FRYL: variants seen among roughly 807,000 people sequenced by gnomAD.
FRYL encodes the protein FRY like transcription coactivator, also known as protein furry homolog-like.
FRYL carries 150 observed loss-of-function variants against 351.2 expected under a neutral mutation model. The observed-to-expected ratio is 0.43, with a 90% CI of 0.37 to 0.49. The LOEUF is 0.49. Among genes scored for constraint, FRYL ranks in the 20% least tolerant of loss-of-function variants. The pLI, the probability that FRYL is intolerant of heterozygous loss-of-function variation, is 0.00. For synonymous variants in FRYL, 1,153 were observed against 1,257.1 expected (o/e 0.92, Z 1.75); for missense variants, 3,036 against 3,619.3 (o/e 0.84, Z 4.13).
intron 41 of FRYL, among the ~76,000 whole-genome samples, chr4:48,547,319 T>C (rs1731574271): frequency 6.6e-6 from 1 of 152,222 alleles, no homozygotes; most frequent in Non-Finnish European, 1.5e-5. Flanking sequence ...CCTCAATAAA[T>C]TAAGCAGTTT....
At chr4:48,507,262 C>A (rs1186682396) in intron 59 of FRYL, among the ~76,000 whole-genome samples, 1 of 152,152 alleles carries the variant, frequency 6.6e-6, no homozygotes, top group Non-Finnish European at 1.5e-5. Context: ...TGGCTGCACA[C>A]TGGCCTGAGA....
At chr4:48,707,170 T>C (rs1434201747) in intron 2 of FRYL, among the ~76,000 whole-genome samples, 2 of 152,222 alleles carry the variant, frequency 1.3e-5, no homozygotes, top group Non-Finnish European at 2.9e-5. Flanking sequence ...CAAAACAATA[T>C]TGCAAATTCT....
chr4:48,515,047 C>G lies in FRYL; in HGVS notation c.7918G>C (p.Asp2640His). The G allele has an allele frequency of 6.2e-7, 1 of 1,613,756 alleles. No individual in the cohort carries two copies. The highest frequency in any genetic ancestry group is 8.5e-7 in the Non-Finnish European group (1 of 1,179,822). ...TCTCACCTAGACAGTCCGGAGAAAT[C>G]CGCTTCTTCTTCTTCACATCTTTCA... is the stretch of plus-strand genomic sequence containing the variant. ...LDERCEEEEA[D>H]FSGLSSQDEE... The change falls in exon 56 of 64, where the codon GAT (aspartate) becomes CAT (histidine). Residue 2640 changes from aspartate to histidine, a missense_variant. This residue lies in a region of FRYL where 1,987 missense variants were observed against 2,311.7 expected (regional missense o/e 0.86). Transcript: ENST00000358350.
At chr4:48,532,768 T>C (rs1343720269) in intron 49 of FRYL, among the ~76,000 whole-genome samples, 7 of 152,234 alleles carry the variant, frequency 4.6e-5, no homozygotes, top group Non-Finnish European at 8.8e-5. Context: ...CATCATGAAA[T>C]GCTAAACTTT....
intron 29 of FRYL, 43 bp from the exon 30 acceptor site, chr4:48,565,086 G>C (rs1477932374): frequency 5.2e-6 from 6 of 1,155,768 alleles, no homozygotes; most frequent in Non-Finnish European, 7.4e-6. Flanking sequence ...AAATTTAAGA[G>C]GTTAAATGTT....
At chr4:48,527,442 C>A in intron 53 of FRYL, 35 bp downstream of exon 53, 1 of 1,540,424 alleles carries the variant, frequency 6.5e-7, no homozygotes, top group South Asian at 1.2e-5. Flanking sequence ...TACAACTGTT[C>A]TATAAATATT....
intron 33 of FRYL, among the ~76,000 whole-genome samples, chr4:48,559,315 GGGGTC>G (rs1734851790): frequency 6.6e-6 from 1 of 151,626 alleles, no homozygotes; most frequent in Non-Finnish European, 1.5e-5. Flanking sequence ...TGTGGGTATA[GGGGTC>G]ACGGTGTGGT....
chr4:48,524,147 C>T (rs1725479500), intron 53 of FRYL, among the ~76,000 whole-genome samples: 1 of 151,442 alleles, frequency 6.6e-6, no homozygotes, highest in Non-Finnish European at 1.5e-5. Flanking sequence ...TATCCCTTTA[C>T]ACAGGAATTG....
chr4:48,623,020 A>G, intron 5 of FRYL, 106 bp downstream of exon 5: 1 of 685,988 alleles, frequency 1.5e-6, no homozygotes, highest in Non-Finnish European at 2.5e-6. Flanking sequence ...GCATACAAGG[A>G]TATATAGAAA....
intron 22 of FRYL, 21 bp downstream of exon 22, chr4:48,580,844 G>C: frequency 6.6e-7 from 1 of 1,511,734 alleles, no homozygotes; most frequent in Non-Finnish European, 9.2e-7. Flanking sequence ...AGATTGGGTA[G>C]AATGAAGTCA....
intron 3 of FRYL, among the ~76,000 whole-genome samples, chr4:48,671,079 G>T (rs931328389): frequency 1.3e-5 from 2 of 152,072 alleles, no homozygotes; most frequent in African/African-American, 4.8e-5. Flanking sequence ...GTGTACAAGG[G>T]TTCGCTTTTC....
chr4:48,541,091 T>C, intron 45 of FRYL, 131 bp from the exon 46 acceptor site: 1 of 840,104 alleles, frequency 1.2e-6, no homozygotes, highest in Non-Finnish European at 1.7e-6. Flanking sequence ...CTGACTTTGT[T>C]GAATCAAATT....
Position 48,645,124 on chromosome 4 carries a change from T to TTATATATATATATATATATATATATATA in FRYL, c.-80-10662_-80-10635dup, listed in dbSNP as rs36223183. The stretch of plus-strand genomic sequence containing the variant: ...ATTAAACCAGCAGTGAGCTTTCATT[T>TTATATATATATATATATATATATATATA]TATATATATATATATATATATATAT... On this transcript the variant is annotated intron_variant, in intron 3 of 63. Transcript: ENST00000358350. 6.1e-3 allele frequency among the ~76,000 whole-genome samples: 643 copies of TTATATATATATATATATATATATATATA among 105,072 alleles called. 16 individuals are homozygous for TTATATATATATATATATATATATATATA. Among genetic ancestry groups the TTATATATATATATATATATATATATATA allele is most frequent in the Non-Finnish European group, 7.7e-3 (373 of 48,152 alleles). 68.9% of individuals were successfully genotyped at this position (105,072 alleles called of 152,430 possible).
At chr4:48,648,343 T>C (rs1756956947) in intron 3 of FRYL, among the ~76,000 whole-genome samples, 2 of 152,136 alleles carry the variant, frequency 1.3e-5, no homozygotes, top group Admixed American at 1.3e-4. Flanking sequence ...TTGCTTAACT[T>C]TCCAGCTTCA....
chr4:48,528,620 C>A (rs892647335), intron 50 of FRYL, among the ~76,000 whole-genome samples: 28 of 152,240 alleles, frequency 1.8e-4, no homozygotes, highest in Middle Eastern at 3.4e-3. Flanking sequence ...CCATCTCCAC[C>A]TTTCCCCACC....
intron 1 of FRYL, among the ~76,000 whole-genome samples, chr4:48,775,653 G>C (rs1775940098): frequency 6.6e-6 from 1 of 152,084 alleles, no homozygotes; most frequent in Admixed American, 6.5e-5. Context: ...TTCTCCTTGG[G>C]CTACTATGAG....
intron 40 of FRYL, 145 bp from the exon 41 acceptor site, chr4:48,547,914 G>C (rs1731721142): frequency 2.0e-6 from 1 of 506,802 alleles, no homozygotes; most frequent in Non-Finnish European, 3.3e-6. Flanking sequence ...TTGCCCTAGA[G>C]TTCTTATATA....
intron 1 of FRYL, among the ~76,000 whole-genome samples, chr4:48,712,828 A>G (rs1768259870): frequency 6.6e-6 from 1 of 152,236 alleles, no homozygotes; most frequent in East Asian, 1.9e-4. Flanking sequence ...GCAGCCAGAG[A>G]CAAAGGTCGG....
intron 7 of FRYL, among the ~76,000 whole-genome samples, chr4:48,612,793 G>A (rs576585276): frequency 6.8e-6 from 1 of 147,274 alleles, no homozygotes; most frequent in Admixed American, 6.8e-5. Context: ...GTTTCACCCT[G>A]TTAACCAAGA....
Sources: allele counts gnomAD v4.1 joint callset (sites outside exome capture counted in the v4.1 genomes callset), GRCh38; gene constraint gnomAD v4.1.1; regional missense constraint gnomAD v4.1.1; transcripts MANE v1.5; gene names NCBI Gene and HGNC (gene_info 2026-07-23, HGNC 2026-07-21).